GALNTL6: variants seen among roughly 807,000 people sequenced by gnomAD.
GALNTL6 encodes polypeptide N-acetylgalactosaminyltransferase like 6.
Under a neutral mutation model 73.7 loss-of-function variants are expected in GALNTL6, and 46 were observed. The ratio of observed to expected loss-of-function variants is 0.62; its 90% confidence interval spans 0.49 to 0.80. The LOEUF is 0.80. Ranked by LOEUF, GALNTL6 falls within the 30% of genes least tolerant of loss-of-function variation. The probability of loss-of-function intolerance (pLI) is 0.00; values close to 1 mark genes in which losing one functional copy is unlikely to be tolerated. For synonymous variants in GALNTL6, 259 were observed against 263.7 expected (o/e 0.98, Z 0.17); for missense variants, 604 against 755.0 (o/e 0.80, Z 2.34).
At chr4:172,087,317 C>T (rs1362010833) in intron 2 of GALNTL6, among the ~76,000 whole-genome samples, 7 of 151,444 alleles carry the variant, frequency 4.6e-5, no homozygotes, top group Non-Finnish European at 8.8e-5. Context: ...TGGGGGTGGG[C>T]GCCTGTAGTC....
intron 5 of GALNTL6, among the ~76,000 whole-genome samples, chr4:172,706,101 G>C (rs572985760): frequency 3.9e-5 from 6 of 152,172 alleles, no homozygotes; most frequent in Non-Finnish European, 7.4e-5. Flanking sequence ...AAAGACCAAT[G>C]ACTCAGATTT....
chr4:172,661,023 G>A (rs919640736), intron 5 of GALNTL6, among the ~76,000 whole-genome samples: 1 of 152,138 alleles, frequency 6.6e-6, no homozygotes, highest in Non-Finnish European at 1.5e-5. Flanking sequence ...TGAATGTGAT[G>A]GTTAATTTTA....
intron 10 of GALNTL6, among the ~76,000 whole-genome samples, chr4:172,966,683 C>T (rs867409076): frequency 4.6e-5 from 7 of 152,200 alleles, no homozygotes; most frequent in South Asian, 2.1e-4. Flanking sequence ...TGAGCCACCG[C>T]GCCCAGCCCA....
chr4:172,103,427 A>G (rs913765816), intron 2 of GALNTL6, among the ~76,000 whole-genome samples: 1 of 152,204 alleles, frequency 6.6e-6, no homozygotes, highest in Non-Finnish European at 1.5e-5. Context: ...GTTTAATGTT[A>G]TCTTAATGGA....
intron 5 of GALNTL6, among the ~76,000 whole-genome samples, chr4:172,568,528 G>T (rs567678213): frequency 6.6e-6 from 1 of 151,760 alleles, no homozygotes; most frequent in Non-Finnish European, 1.5e-5. Flanking sequence ...AGGCCGAGGC[G>T]GGCGGATCAC....
rs1042025930 is a variant in GALNTL6, at chr4:172,993,744, T to C, written c.1372-15434T>C. ...TATTTTCAGGGAGAAATAATCTCAC[T>C]GTCTTCCCAAGAAAGGATAAATCTT... On this transcript the variant is annotated intron_variant, in intron 10 of 12. Coordinates refer to ENST00000506823, the MANE Select transcript of GALNTL6 (RefSeq NM_001034845.3). Among the ~76,000 whole-genome samples the C allele has an allele frequency of 3.3e-5, 5 of 152,216 alleles. 1 individual carries two copies. The highest frequency in any genetic ancestry group is 3.9e-4 in the East Asian group (2 of 5,188).
chr4:171,933,855 C>A (rs332982), intron 2 of GALNTL6, among the ~76,000 whole-genome samples: 2 of 151,960 alleles, frequency 1.3e-5, no homozygotes, highest in Non-Finnish European at 2.9e-5. Context: ...CAAGATTAGA[C>A]AGCATTTAGA....
intron 4 of GALNTL6, among the ~76,000 whole-genome samples, chr4:172,321,978 CAA>C (rs1740773477): frequency 6.6e-6 from 1 of 152,122 alleles, no homozygotes; most frequent in Non-Finnish European, 1.5e-5. Flanking sequence ...AGCATGCACA[CAA>C]AGAGGCAAAA....
chr4:172,339,406 G>A (rs1741478466), intron 4 of GALNTL6, among the ~76,000 whole-genome samples: 1 of 152,038 alleles, frequency 6.6e-6, no homozygotes, highest in Non-Finnish European at 1.5e-5. Flanking sequence ...GTGGCAAGGG[G>A]AGGGTACAAT....
intron 2 of GALNTL6, among the ~76,000 whole-genome samples, chr4:172,182,197 T>C (rs1332529416): frequency 1.3e-5 from 2 of 152,290 alleles, no homozygotes; most frequent in East Asian, 3.9e-4. Flanking sequence ...GAATCCAACT[T>C]ATGAGGGATG....
rs553343237 is a variant in GALNTL6, at chr4:172,716,971, T to C, written c.554-92390T>C. On this transcript the variant is annotated intron_variant, in intron 5 of 12. Transcript: ENST00000506823. ...GGCTGATAAATATCTGTTGATATAATTGATTACAGAATCATAGTTTTAAGT... is the reference window on the plus strand; with the variant it reads ...GGCTGATAAATATCTGTTGATATAACTGATTACAGAATCATAGTTTTAAGT... Among the ~76,000 whole-genome samples, 28 of 152,324 alleles carry C rather than the reference T, an allele frequency of 1.8e-4. No homozygotes were observed. The South Asian group carries it at 3.7e-3, about 20-fold the overall frequency.
chr4:172,835,555 C>A (rs755694790), intron 7 of GALNTL6, among the ~76,000 whole-genome samples: 4 of 152,132 alleles, frequency 2.6e-5, no homozygotes, highest in African/African-American at 9.7e-5. Flanking sequence ...GGATTTTATT[C>A]TTTAAATAAA....
chr4:172,143,879 T>C (rs186674172), intron 2 of GALNTL6, among the ~76,000 whole-genome samples: 8 of 152,270 alleles, frequency 5.3e-5, no homozygotes, highest in Admixed American at 3.3e-4. Context: ...AGGTCTAAGG[T>C]TGGGAATTTA....
intron 5 of GALNTL6, among the ~76,000 whole-genome samples, chr4:172,569,665 C>A (rs1345052408): frequency 6.6e-6 from 1 of 151,744 alleles, no homozygotes; most frequent in African/African-American, 2.4e-5. Context: ...AAGGGAACAT[C>A]AAAGGAAAAG....
chr4:172,628,819 T>G (rs1469839409), intron 5 of GALNTL6, among the ~76,000 whole-genome samples: 1 of 152,192 alleles, frequency 6.6e-6, no homozygotes, highest in Non-Finnish European at 1.5e-5. Flanking sequence ...TAAACTTTTT[T>G]ATATTTTCCT....
chr4:172,781,824 G>A (rs1313364476), intron 5 of GALNTL6, among the ~76,000 whole-genome samples: 1 of 150,726 alleles, frequency 6.6e-6, no homozygotes, highest in African/African-American at 2.4e-5. Flanking sequence ...TATATACTTT[G>A]GTATCTTTTG....
At chr4:171,903,297 G>C (rs920313766) in intron 2 of GALNTL6, among the ~76,000 whole-genome samples, 2 of 151,928 alleles carry the variant, frequency 1.3e-5, no homozygotes, top group South Asian at 2.1e-4. Flanking sequence ...CACCGTGCGC[G>C]AGCTGAAGCA....
chr4:171,841,007 T>A (rs1255760622), intron 2 of GALNTL6, among the ~76,000 whole-genome samples: 1 of 152,138 alleles, frequency 6.6e-6, no homozygotes, highest in Non-Finnish European at 1.5e-5. Flanking sequence ...CAGTGGAAAA[T>A]GCTTGAAATT....
intron 2 of GALNTL6, among the ~76,000 whole-genome samples, chr4:171,925,793 G>T (rs185446392): frequency 9.7e-4 from 147 of 151,974 alleles, no homozygotes; most frequent in Non-Finnish European, 1.8e-3. Context: ...AAGTAACTAG[G>T]GGAAAAACTC....
Sources: allele counts gnomAD v4.1 joint callset (sites outside exome capture counted in the v4.1 genomes callset), GRCh38; gene constraint gnomAD v4.1.1; transcripts MANE v1.5; gene names NCBI Gene and HGNC (gene_info 2026-07-23, HGNC 2026-07-21).